ST3GAL3: variants seen among roughly 807,000 people sequenced by gnomAD.
The protein encoded by ST3GAL3 is CMP-N-acetylneuraminate-beta-1,4-galactoside alpha-2,3-sialyltransferase.
Under a neutral mutation model 50.1 loss-of-function variants are expected in ST3GAL3, and 21 were observed. The observed-to-expected ratio is 0.42, with a 90% CI of 0.30 to 0.60. ST3GAL3 has a LOEUF of 0.60. Ranked by LOEUF, ST3GAL3 falls within the 20% of genes least tolerant of loss-of-function variation. The pLI is 0.19. For synonymous variants in ST3GAL3, 183 were observed against 190.0 expected (o/e 0.96, Z 0.30); for missense variants, 353 against 489.4 (o/e 0.72, Z 2.63).
intron 2 of ST3GAL3, among the ~76,000 whole-genome samples, chr1:43,751,865 G>C (rs546060514): frequency 6.6e-6 from 1 of 152,078 alleles, no homozygotes; most frequent in South Asian, 2.1e-4. Context: ...CGTCACCCAG[G>C]CTGGAGTGCA....
intron 5 of ST3GAL3, chr1:43,851,115 G>C: frequency 9.5e-7 from 1 of 1,049,312 alleles, no homozygotes; most frequent in South Asian, 1.3e-5. Context: ...GCATAGTCCA[G>C]GTTTTAGGAG....
intron 11 of ST3GAL3, among the ~76,000 whole-genome samples, chr1:43,925,471 C>T (rs1183289641): frequency 1.3e-5 from 2 of 152,102 alleles, no homozygotes; most frequent in Admixed American, 6.6e-5. Context: ...AGGCCTGCCA[C>T]GTAGTAAGCA....
At chr1:43,710,578 C>G (rs563113945) in intron 1 of ST3GAL3, among the ~76,000 whole-genome samples, 3 of 152,348 alleles carry the variant, frequency 2.0e-5, no homozygotes, top group East Asian at 3.9e-4. Context: ...TAGGCACAGA[C>G]CAGCCTGGCA....
chr1:43,765,817 G>T (rs567532940), intron 2 of ST3GAL3, among the ~76,000 whole-genome samples: 2 of 144,318 alleles, frequency 1.4e-5, no homozygotes, highest in Non-Finnish European at 2.9e-5. Context: ...GCGTCCGCGT[G>T]CGCTTTTTTT....
intron 2 of ST3GAL3, among the ~76,000 whole-genome samples, chr1:43,781,989 A>AT (rs1427128338): frequency 6.6e-6 from 1 of 151,890 alleles, no homozygotes; most frequent in African/African-American, 2.4e-5. Context: ...TCAGCTCCCT[A>AT]TTTTTTCAGT....
chr1:43,749,526 C>T (rs1685177098), intron 2 of ST3GAL3, among the ~76,000 whole-genome samples: 2 of 152,010 alleles, frequency 1.3e-5, no homozygotes, highest in South Asian at 4.2e-4. Context: ...CACTTGAGCC[C>T]AGGAGTTCAA....
At chr1:43,788,976 C>G (rs909586401) in intron 2 of ST3GAL3, among the ~76,000 whole-genome samples, 4 of 149,532 alleles carry the variant, frequency 2.7e-5, no homozygotes, top group African/African-American at 9.9e-5. Context: ...GCAGAGAAGA[C>G]AATGTGTTCA....
chr1:43,745,076 C>T (rs972149782), intron 2 of ST3GAL3, among the ~76,000 whole-genome samples: 2 of 152,092 alleles, frequency 1.3e-5, no homozygotes, highest in Middle Eastern at 3.2e-3. Flanking sequence ...GACTTAAGGT[C>T]AGGAGTTTGA....
In ST3GAL3 at chr1:43,866,898, G is replaced by C. The variant is rs1018206621; in HGVS notation, c.303-27485G>C. Among the ~76,000 whole-genome samples the C allele has an allele frequency of 5.3e-5, 8 of 152,288 alleles. No homozygotes were observed. In the East Asian group the frequency reaches 1.3e-3, roughly 26 times the overall value. The stretch of plus-strand genomic sequence containing the variant: ...TGTAATCCCAGCACTTTGGGAGGCC[G>C]TGGTGGGTGGATCATGAGGTCAGGA... On this transcript the variant is annotated intron_variant, in intron 5 of 11. Transcript: ENST00000347631.
rs112294292 is a variant in ST3GAL3 at position 43,729,149 on chromosome 1, C to T, written c.-30-7084C>T. Among the ~76,000 whole-genome samples the T allele has an allele frequency of 1.1e-3, 161 of 145,638 alleles. 4 individuals carry two copies. The Middle Eastern group carries it at 0.015, about 14-fold the overall frequency. Reference sequence around the variant, plus strand: ...CTGTCACCCAGGCTGGAGTGCAGTGCCATGATCTGGGCTCACTGCAACCTC... The same window carrying T: ...CTGTCACCCAGGCTGGAGTGCAGTGTCATGATCTGGGCTCACTGCAACCTC... On this transcript the variant is annotated intron_variant, in intron 1 of 11. Coordinates refer to ENST00000347631, the MANE Select transcript of ST3GAL3 (RefSeq NM_006279.5).
intron 5 of ST3GAL3, chr1:43,851,324 A>G (rs776921883): frequency 2.0e-6 from 3 of 1,533,298 alleles, no homozygotes; most frequent in East Asian, 2.3e-5. Context: ...GTCCAGGCCC[A>G]TGATGCACCC....
chr1:43,900,664 T>G (rs1170087605), intron 9 of ST3GAL3: 5 of 152,320 alleles, frequency 3.3e-5, no homozygotes, highest in Admixed American at 1.3e-4. Context: ...CTGATTGTTC[T>G]TTCCAGAGGT....
intron 9 of ST3GAL3, among the ~76,000 whole-genome samples, chr1:43,905,468 C>G (rs929405404): frequency 4.0e-4 from 54 of 133,518 alleles, no homozygotes; most frequent in Non-Finnish European, 6.4e-4. Context: ...GTTCCTCCCC[C>G]TCCTCCTGTT....
At chr1:43,771,730 TTGTGTGTGTGTGTG>T (rs143955404) in intron 2 of ST3GAL3, among the ~76,000 whole-genome samples, 14 of 145,120 alleles carry the variant, frequency 9.6e-5, no homozygotes, top group South Asian at 4.4e-4. Flanking sequence ...TTTAATAAAG[TTGTGTGTGTGTGTG>T]TGTGTGTGTG....
rs371570439 is a variant in ST3GAL3 at position 43,851,102 on chromosome 1, G to A, written c.302+12791G>A. ...TTCTCATCTGCAGTTTTTCTGCAGC[G>A]GGGCATAGTCCAGGTTTTAGGAGGA... is the stretch of plus-strand genomic sequence containing the variant. On this transcript the variant is annotated intron_variant, in intron 5 of 11. Transcript: ENST00000347631. The A allele has an allele frequency of 1.7e-3, 1,656 of 958,008 alleles. 33 individuals carry two copies. The South Asian group carries it at 0.02, about 12-fold the overall frequency. The allele number at this position is 958,008 out of a possible 1,614,324, so 59.3% of individuals were successfully genotyped here.
At chr1:43,806,226 A>G (rs12750105) in intron 3 of ST3GAL3, among the ~76,000 whole-genome samples, 1 of 152,224 alleles carries the variant, frequency 6.6e-6, no homozygotes, top group Non-Finnish European at 1.5e-5. Flanking sequence ...TGTACTATAA[A>G]AACATCTGTG....
chr1:43,860,551 G>T (rs1274610821), intron 5 of ST3GAL3, among the ~76,000 whole-genome samples: 1 of 152,242 alleles, frequency 6.6e-6, no homozygotes, highest in East Asian at 1.9e-4. Context: ...CAGGAGCAAA[G>T]GGTGAGCCTT....
chr1:43,826,894 C>A (rs561379134), intron 4 of ST3GAL3, among the ~76,000 whole-genome samples: 2 of 152,202 alleles, frequency 1.3e-5, no homozygotes, highest in Admixed American at 1.3e-4. Flanking sequence ...CAATCCAATA[C>A]CTATTCATGA....
chr1:43,837,371 T>A (rs1558516879), intron 4 of ST3GAL3, among the ~76,000 whole-genome samples: 1 of 152,142 alleles, frequency 6.6e-6, no homozygotes, highest in African/African-American at 2.4e-5. Context: ...CATCCTCAAC[T>A]AAAAGTCTAA....
Sources: allele counts gnomAD v4.1 joint callset (sites outside exome capture counted in the v4.1 genomes callset), GRCh38; gene constraint gnomAD v4.1.1; transcripts MANE v1.5; gene names NCBI Gene and HGNC (gene_info 2026-07-23, HGNC 2026-07-21).